The following CTNNA2 variants were observed in gnomAD, a reference collection of about 807,000 sequenced individuals.
CTNNA2 encodes the protein catenin alpha 2.
CTNNA2 carries 42 observed loss-of-function variants against 101.0 expected under a neutral mutation model. The observed-to-expected ratio is 0.42, with a 90% CI of 0.32 to 0.54. CTNNA2 has a LOEUF of 0.54. Among genes scored for constraint, CTNNA2 ranks in the 20% least tolerant of loss-of-function variants. The probability of loss-of-function intolerance (pLI) is 0.14; values close to 1 mark genes in which losing one functional copy is unlikely to be tolerated. For synonymous variants in CTNNA2, 450 were observed against 456.4 expected (o/e 0.99, Z 0.18); for missense variants, 871 against 1,223.1 (o/e 0.71, Z 4.29).
At chr2:80,335,492 C>T (rs1387123310) in intron 7 of CTNNA2, among the ~76,000 whole-genome samples, 2 of 152,222 alleles carry the variant, frequency 1.3e-5, no homozygotes, top group African/African-American at 4.8e-5. Flanking sequence ...GAAAGTACAG[C>T]GCAGTGTACA....
chr2:79,461,516 A>G (rs1434757505), intron 4 of CTNNA2, among the ~76,000 whole-genome samples: 2 of 152,140 alleles, frequency 1.3e-5, no homozygotes, highest in African/African-American at 4.8e-5. Flanking sequence ...TCCTTGAAGA[A>G]GCAGGAACCA....
At chr2:79,749,885 A>G (rs949318401) in intron 3 of CTNNA2, among the ~76,000 whole-genome samples, 7 of 152,178 alleles carry the variant, frequency 4.6e-5, no homozygotes, top group Non-Finnish European at 1.0e-4. Flanking sequence ...TATTAAATCA[A>G]TGTGTACTAC....
At chr2:80,632,295 C>G (rs1055289674) in intron 18 of CTNNA2, among the ~76,000 whole-genome samples, 4 of 151,782 alleles carry the variant, frequency 2.6e-5, no homozygotes, top group Non-Finnish European at 5.9e-5. Context: ...CACACACACA[C>G]AGTCTTGGAG....
chr2:79,885,739 G>A (rs1172069016), intron 6 of CTNNA2, among the ~76,000 whole-genome samples: 1 of 152,122 alleles, frequency 6.6e-6, no homozygotes, highest in Admixed American at 6.5e-5. Context: ...GAGATGACAG[G>A]GCCCTTCTAT....
chr2:79,667,408 A>C (rs1682496679), intron 2 of CTNNA2, among the ~76,000 whole-genome samples: 1 of 152,204 alleles, frequency 6.6e-6, no homozygotes, highest in Non-Finnish European at 1.5e-5. Flanking sequence ...TTTCAAAGGA[A>C]TATCCAATAG....
At chr2:80,036,023 G>A (rs530071547) in intron 7 of CTNNA2, among the ~76,000 whole-genome samples, 1 of 152,284 alleles carries the variant, frequency 6.6e-6, no homozygotes, top group South Asian at 2.1e-4. Flanking sequence ...CCCACATGAC[G>A]GTCTCATCAG....
chr2:80,392,512 G>C (rs1408393565), intron 7 of CTNNA2, among the ~76,000 whole-genome samples: 1 of 152,066 alleles, frequency 6.6e-6, no homozygotes, highest in Non-Finnish European at 1.5e-5. Context: ...CCAAAAAAAG[G>C]AGAAAAAGCA....
chr2:80,255,503 A>T (rs1415380836), intron 7 of CTNNA2, among the ~76,000 whole-genome samples: 1 of 152,134 alleles, frequency 6.6e-6, no homozygotes, highest in Non-Finnish European at 1.5e-5. Context: ...GATTTCTTTC[A>T]AATAGATTTG....
At chr2:80,626,867 C>T (rs544232276) in intron 18 of CTNNA2, among the ~76,000 whole-genome samples, 1 of 152,090 alleles carries the variant, frequency 6.6e-6, no homozygotes, top group South Asian at 2.1e-4. Flanking sequence ...CTCCCCGAGC[C>T]CCCTACCCCC....
chr2:80,636,239 T>G (rs571637666), intron 18 of CTNNA2, among the ~76,000 whole-genome samples: 53 of 152,084 alleles, frequency 3.5e-4, no homozygotes, highest in Non-Finnish European at 5.9e-4. Flanking sequence ...AACTGGGAAT[T>G]TATTGGTAGA....
intron 7 of CTNNA2, among the ~76,000 whole-genome samples, chr2:80,012,231 CTGTAA>C (rs1300781132): frequency 6.6e-6 from 1 of 152,148 alleles, no homozygotes; most frequent in Non-Finnish European, 1.5e-5. Flanking sequence ...GGTTCGATGG[CTGTAA>C]TGAGAGGAAA....
At chr2:80,022,936 TCTCC>T (rs1305100593) in intron 7 of CTNNA2, among the ~76,000 whole-genome samples, 2 of 152,054 alleles carry the variant, frequency 1.3e-5, no homozygotes, top group Non-Finnish European at 2.9e-5. Flanking sequence ...AAGCCTAAGA[TCTCC>T]CTCCAATGGA....
intron 7 of CTNNA2, chr2:80,304,650 C>T: frequency 6.5e-6 from 1 of 152,950 alleles, no homozygotes; most frequent in Non-Finnish European, 1.5e-5. Context: ...TGGGGAGGTG[C>T]GGACGGCGGC....
intron 9 of CTNNA2, among the ~76,000 whole-genome samples, chr2:80,508,428 T>C (rs1688442486): frequency 6.6e-6 from 1 of 152,144 alleles, no homozygotes; most frequent in African/African-American, 2.4e-5. Flanking sequence ...GAGGTTTCAG[T>C]TAGCCCAGAT....
intron 2 of CTNNA2, among the ~76,000 whole-genome samples, chr2:79,273,605 G>C (rs1293333380): frequency 1.3e-5 from 2 of 152,028 alleles, no homozygotes; most frequent in Non-Finnish European, 2.9e-5. Flanking sequence ...ACAGTCATTG[G>C]CCAAAGATTC....
chr2:79,935,076 C>T, intron 7 of CTNNA2, among the ~76,000 whole-genome samples: 1 of 152,122 alleles, frequency 6.6e-6, no homozygotes. Flanking sequence ...TGACGGACAC[C>T]CATCTTCCTC....
chr2:79,780,324 T>A (rs1379456121), intron 3 of CTNNA2, among the ~76,000 whole-genome samples: 1 of 152,206 alleles, frequency 6.6e-6, no homozygotes, highest in Non-Finnish European at 1.5e-5. Flanking sequence ...CAGTCATATC[T>A]GGCTCAGAAT....
chr2:80,216,216 A>G (rs1278776800), intron 7 of CTNNA2, among the ~76,000 whole-genome samples: 1 of 152,104 alleles, frequency 6.6e-6, no homozygotes. Context: ...TTCCAAGGTG[A>G]GGTGATGCCC....
intron 7 of CTNNA2, among the ~76,000 whole-genome samples, chr2:80,330,180 TG>T (rs1459857023): frequency 6.6e-5 from 10 of 152,268 alleles, no homozygotes. Flanking sequence ...GAATTCATTG[TG>T]GAGCTATCTT....
Sources: allele counts gnomAD v4.1 joint callset (sites outside exome capture counted in the v4.1 genomes callset), GRCh38; gene constraint gnomAD v4.1.1; transcripts MANE v1.5; gene names NCBI Gene and HGNC (gene_info 2026-07-23, HGNC 2026-07-21).